Variants in KCTD9 observed in about 807,000 individuals in gnomAD.
KCTD9 encodes BTB/POZ domain-containing protein KCTD9.
Under a neutral mutation model 53.3 loss-of-function variants are expected in KCTD9, and 17 were observed. The observed-to-expected ratio is 0.32, with a 90% CI of 0.22 to 0.48. The LOEUF (loss-of-function observed/expected upper bound fraction) is 0.48, where lower values mean the gene tolerates loss of function less well. Ranked by LOEUF, KCTD9 falls within the 20% of genes least tolerant of loss-of-function variation. The pLI, the probability that KCTD9 is intolerant of heterozygous loss-of-function variation, is 0.99. For synonymous variants in KCTD9, 128 were observed against 162.7 expected (o/e 0.79, Z 1.62); for missense variants, 179 against 465.5 (o/e 0.38, Z 5.66).
In KCTD9 at chr8:25,454,895, A is replaced by G. The variant is rs1458654229; in HGVS notation, c.48+3304T>C. Among the ~76,000 whole-genome samples the G allele has an allele frequency of 2.0e-5, 3 of 152,344 alleles. No homozygotes were observed. In the East Asian group the frequency reaches 5.8e-4, roughly 29 times the overall value. ...GAATCTCCTAAATATTTATCATTAA[A>G]TTTAGTGAAATTCTGCCAAATACAG... is the stretch of plus-strand genomic sequence containing the variant. On this transcript the variant is annotated intron_variant, in intron 1 of 11. Transcript: ENST00000221200.
Position 25,429,783 on chromosome 8 carries a change from T to C in KCTD9, c.*74A>G. The C allele has an allele frequency of 1.3e-6, 1 of 775,442 alleles. No homozygotes were observed. 48.0% of individuals were successfully genotyped at this position (775,442 alleles called of 1,614,324 possible). A position where few individuals can be genotyped will look rare whatever the true frequency, so the allele number is the denominator to read the frequency against. ...TACAGTGTTATTTCTTCTAGACAAC[T>C]GAGTGGGTGGAGAAAGAAAAGTGAT... On this transcript the variant is annotated 3_prime_UTR_variant, in exon 12 of 12. Coordinates refer to ENST00000221200, the MANE Select transcript of KCTD9 (RefSeq NM_017634.4).
chr8:25,429,826 C>A lies in KCTD9; in HGVS notation c.*31G>T. The A allele has an allele frequency of 9.5e-7, 1 of 1,052,824 alleles. No individual in the cohort carries two copies. Among genetic ancestry groups the A allele is most frequent in the African/African-American group, 1.6e-5 (1 of 64,416 alleles). 65.2% of individuals were successfully genotyped at this position (1,052,824 alleles called of 1,614,324 possible). ...AAAGTGATAAGGAAAACATTTTCAT[C>A]TTTTACATCTTCCTCCAGCCCCTAA... is the stretch of plus-strand genomic sequence containing the variant. On this transcript the variant is annotated 3_prime_UTR_variant, in exon 12 of 12. Coordinates refer to ENST00000221200, the MANE Select transcript of KCTD9 (RefSeq NM_017634.4).
At chr8:25,449,756 T>C (rs577952162) in intron 1 of KCTD9, among the ~76,000 whole-genome samples, 14 of 151,940 alleles carry the variant, frequency 9.2e-5, no homozygotes, top group Middle Eastern at 3.4e-3. Context: ...ATTGTTACCA[T>C]ATTGAATAGC....
intron 8 of KCTD9, 84 bp downstream of exon 8, chr8:25,436,151 A>T (rs1802014614): frequency 1.1e-6 from 1 of 870,770 alleles, no homozygotes; most frequent in Non-Finnish European, 1.9e-6. Context: ...ACAAAGCAAG[A>T]TAATCCCAAA....
chr8:25,443,614 G>A (rs180920275), intron 3 of KCTD9, among the ~76,000 whole-genome samples: 10 of 152,304 alleles, frequency 6.6e-5, no homozygotes, highest in African/African-American at 2.2e-4. Context: ...GAGACAGACA[G>A]ACAAGAGTAT....
chr8:25,449,836 G>GA (rs67882048), intron 1 of KCTD9, among the ~76,000 whole-genome samples: 9 of 149,784 alleles, frequency 6.0e-5, no homozygotes, highest in East Asian at 5.9e-4. Flanking sequence ...AAAAAATGAA[G>GA]AAAAAAAAAC....
rs375861415 is a variant in KCTD9 at position 25,458,170 on chromosome 8, C to T, written c.48+29G>A. 8.3e-3 allele frequency: 12,389 copies of T among 1,494,608 alleles called. 119 individuals carry two copies. The highest frequency in any genetic ancestry group is 0.01 in the Non-Finnish European group (10,987 of 1,088,774). The allele number at this position is 1,494,608 out of a possible 1,614,324, so 92.6% of individuals were successfully genotyped here. A position where few individuals can be genotyped will look rare whatever the true frequency, so the allele number is the denominator to read the frequency against. Reference sequence around the variant, plus strand: ...CGTCCGCCCTCGCCCCGACCCCCGGCCCGCCGCGCCCCCTCACGCCCCCGT... The same window carrying T: ...CGTCCGCCCTCGCCCCGACCCCCGGTCCGCCGCGCCCCCTCACGCCCCCGT... On this transcript the variant is annotated intron_variant, in intron 1 of 11. Coordinates refer to ENST00000221200, the MANE Select transcript of KCTD9 (RefSeq NM_017634.4).
intron 6 of KCTD9, among the ~76,000 whole-genome samples, chr8:25,439,000 C>T (rs184501056): frequency 1.1e-3 from 169 of 152,220 alleles, no homozygotes; most frequent in African/African-American, 3.7e-3. Context: ...TGTGATAGAA[C>T]GTAAATCAAT....
chr8:25,439,830 A>C, intron 4 of KCTD9, 166 bp from the exon 5 acceptor site: 1 of 1,413,790 alleles, frequency 7.1e-7, no homozygotes, highest in Non-Finnish European at 9.3e-7. Context: ...GCCATTTATC[A>C]GATCCCTTCT....
chr8:25,446,014 A>T (rs2063068), intron 2 of KCTD9, 115 bp downstream of exon 2: 493,765 of 1,347,944 alleles, frequency 0.37, 92,047 homozygotes, highest in African/African-American at 0.51. Flanking sequence ...TTCTAGGTAA[A>T]CACTTGCCAA....
intron 3 of KCTD9, among the ~76,000 whole-genome samples, 160 bp from the exon 4 acceptor site, chr8:25,440,833 C>T (rs1027532081): frequency 1.3e-5 from 2 of 152,194 alleles, no homozygotes; most frequent in Non-Finnish European, 2.9e-5. Context: ...TAAAACAACA[C>T]TAGGTGATAA....
At position 25,429,395 on chromosome 8, in the gene KCTD9, C is replaced by A. The variant is rs1418638241; in HGVS notation, c.*462G>T. On this transcript the variant is annotated 3_prime_UTR_variant, in exon 12 of 12. Coordinates refer to ENST00000221200, the MANE Select transcript of KCTD9 (RefSeq NM_017634.4). ...TAAAGCTATTTATAAACCTGAACAA[C>A]CTTTTCCAAGTTTTCATAAAGTTTT... 6.5e-6 allele frequency: 1 copy of A among 154,742 alleles called. No homozygotes were observed. The highest frequency in any genetic ancestry group is 1.4e-5 in the Non-Finnish European group (1 of 69,576). The allele number at this position is 154,742 out of a possible 1,614,324, so 9.6% of individuals were successfully genotyped here.
At chr8:25,450,007 GA>G (rs1233721742) in intron 1 of KCTD9, among the ~76,000 whole-genome samples, 1 of 152,000 alleles carries the variant, frequency 6.6e-6, no homozygotes, top group East Asian at 1.9e-4. Flanking sequence ...CCAGATGATA[GA>G]AAAAAACCAC....
chr8:25,458,159 C>A, intron 1 of KCTD9, 40 bp downstream of exon 1: 2 of 1,531,266 alleles, frequency 1.3e-6, no homozygotes, highest in South Asian at 1.2e-5. Flanking sequence ...CGCCCTCGCC[C>A]CGACCCCCGG....
At chr8:25,448,359 G>C (rs1170106320) in intron 1 of KCTD9, among the ~76,000 whole-genome samples, 1 of 152,032 alleles carries the variant, frequency 6.6e-6, no homozygotes, top group Non-Finnish European at 1.5e-5. Context: ...AAAGAAAGCA[G>C]AATAAAGGTT....
chr8:25,449,253 T>C (rs942431945), intron 1 of KCTD9, among the ~76,000 whole-genome samples: 3 of 152,230 alleles, frequency 2.0e-5, no homozygotes, highest in African/African-American at 7.2e-5. Flanking sequence ...TCAATGTTCT[T>C]GGCATAGTTG....
chr8:25,427,857 T>G lies in KCTD9; in HGVS notation c.*2000A>C, dbSNP rs1329556044. Reference sequence around the variant, plus strand: ...ATAAAAATAATCATGTTTAAAGAAATAAATTTACTTTAATGGTACTTTCAA... The same window carrying G: ...ATAAAAATAATCATGTTTAAAGAAAGAAATTTACTTTAATGGTACTTTCAA... On this transcript the variant is annotated 3_prime_UTR_variant, in exon 12 of 12. Transcript: ENST00000221200. 4 of 145,834 alleles carry G rather than the reference T, an allele frequency of 2.7e-5. No individual in the cohort carries two copies. Among genetic ancestry groups the G allele is most frequent in the African/African-American group, 9.8e-5 (4 of 40,910 alleles). The allele number at this position is 145,834 out of a possible 1,614,324, so 9.0% of individuals were successfully genotyped here.
Position 25,439,780 on chromosome 8 carries a change from G to A in KCTD9, c.312-116C>T, listed in dbSNP as rs1178439294. The A allele has an allele frequency of 6.5e-6, 10 of 1,547,912 alleles. No individual in the cohort carries two copies. The African/African-American group carries it at 1.2e-4, about 19-fold the overall frequency. On this transcript the variant is annotated intron_variant, in intron 4 of 11. Coordinates refer to ENST00000221200, the MANE Select transcript of KCTD9 (RefSeq NM_017634.4). The stretch of plus-strand genomic sequence containing the variant: ...CTCAAAAAGATGCATGCTACAACCT[G>A]GTAGGAGTAACGCTGGGAAACAAAA...
At chr8:25,448,663 T>A (rs989728349) in intron 1 of KCTD9, among the ~76,000 whole-genome samples, 23 of 151,932 alleles carry the variant, frequency 1.5e-4, no homozygotes, top group African/African-American at 5.6e-4. Context: ...GCCTGTAAAA[T>A]CTGCACTATG....
Sources: gnomAD v4.1 joint callset for allele counts (sites outside exome capture counted in the v4.1 genomes callset) on GRCh38, gnomAD v4.1.1 for gene constraint, MANE v1.5 for transcripts, NCBI Gene and HGNC (gene_info 2026-07-23, HGNC 2026-07-21) for gene names.